Variants in RIMS2 observed in about 807,000 individuals in gnomAD.
RIMS2 encodes the protein regulating synaptic membrane exocytosis 2.
Under a neutral mutation model 174.4 loss-of-function variants are expected in RIMS2, and 59 were observed. The observed-to-expected ratio is 0.34, with a 90% confidence interval of 0.27 to 0.42. The LOEUF is 0.42. Among genes scored for constraint, RIMS2 ranks in the 10% least tolerant of loss-of-function variants. The pLI is 1.00. For synonymous variants in RIMS2, 606 were observed against 572.5 expected (o/e 1.06, Z -0.84); for missense variants, 1,620 against 1,666.3 (o/e 0.97, Z 0.48).
intron 19 of RIMS2, among the ~76,000 whole-genome samples, chr8:104,101,049 T>C (rs1465929809): frequency 7.8e-6 from 1 of 128,434 alleles, no homozygotes; most frequent in Admixed American, 7.9e-5. Flanking sequence ...ATATTATATA[T>C]TACATATGTA....
intron 19 of RIMS2, among the ~76,000 whole-genome samples, chr8:104,200,853 G>A (rs915418004): frequency 6.6e-6 from 1 of 152,192 alleles, no homozygotes; most frequent in African/African-American, 2.4e-5. Context: ...GGTCGAGGCT[G>A]CAGTGAGCCA....
intron 1 of RIMS2, among the ~76,000 whole-genome samples, chr8:103,502,928 AG>A (rs956337544): frequency 6.6e-6 from 1 of 152,024 alleles, no homozygotes; most frequent in African/African-American, 2.4e-5. Context: ...CAAAATGAAC[AG>A]TATGTTAGGA....
chr8:103,920,764 C>T (rs764970698), intron 9 of RIMS2: 31 of 448,456 alleles, frequency 6.9e-5, no homozygotes, highest in Non-Finnish European at 1.0e-4. Context: ...CCGAGGCGGG[C>T]GGATCACGAG....
chr8:103,696,886 G>A (rs1370442457), intron 1 of RIMS2, among the ~76,000 whole-genome samples, 200 bp from the exon 4 acceptor site: 689 of 80,022 alleles, frequency 8.6e-3, no homozygotes, highest in Middle Eastern at 0.019. Flanking sequence ...AAAAAAAAAA[G>A]AAGGTAGAAC....
At chr8:103,839,817 G>A (rs1337509787) in intron 3 of RIMS2, among the ~76,000 whole-genome samples, 2 of 152,156 alleles carry the variant, frequency 1.3e-5, no homozygotes, top group African/African-American at 2.4e-5. Flanking sequence ...GATTATTTCT[G>A]CAGTTCATTA....
exon 19 of RIMS2, chr8:104,014,547 G>C (rs1360841332): frequency 6.2e-7 from 1 of 1,613,146 alleles, no homozygotes; most frequent in Non-Finnish European, 8.5e-7. Context: ...AGCCCATCAA[G>C]TACTCCAGTC....
intron 2 of RIMS2, among the ~76,000 whole-genome samples, chr8:103,698,606 G>A (rs1266129933): frequency 6.6e-6 from 1 of 151,928 alleles, no homozygotes; most frequent in Non-Finnish European, 1.5e-5. Context: ...TGTCATGATG[G>A]ATTATCTCTT....
At chr8:103,739,254 T>C (rs958060377) in intron 2 of RIMS2, among the ~76,000 whole-genome samples, 4 of 152,118 alleles carry the variant, frequency 2.6e-5, no homozygotes, top group African/African-American at 4.8e-5. Context: ...CTGGAAACCA[T>C]CATTCTCAGC....
At chr8:104,152,564 C>A (rs1457324315) in intron 19 of RIMS2, among the ~76,000 whole-genome samples, 1 of 151,474 alleles carries the variant, frequency 6.6e-6, no homozygotes, top group South Asian at 2.1e-4. Flanking sequence ...TCATAAGCTC[C>A]AAAAGTATTT....
At chr8:103,963,842 T>A (rs1468174036) in intron 15 of RIMS2, among the ~76,000 whole-genome samples, 2 of 152,190 alleles carry the variant, frequency 1.3e-5, no homozygotes, top group African/African-American at 4.8e-5. Context: ...TAAAAATTCA[T>A]CTTTCCCTTT....
chr8:103,636,728 G>A (rs1253141215), intron 1 of RIMS2, among the ~76,000 whole-genome samples: 2 of 150,730 alleles, frequency 1.3e-5, no homozygotes, highest in African/African-American at 4.9e-5. Flanking sequence ...ATGCGTACTA[G>A]CTGCTTCTAG....
chr8:103,823,328 T>C (rs2098765447), intron 3 of RIMS2, among the ~76,000 whole-genome samples: 1 of 151,780 alleles, frequency 6.6e-6, no homozygotes, highest in Non-Finnish European at 1.5e-5. Flanking sequence ...AATATTTGGA[T>C]TTTTTTTCAA....
chr8:103,621,574 C>A (rs527785341), intron 1 of RIMS2, among the ~76,000 whole-genome samples: 1 of 152,304 alleles, frequency 6.6e-6, no homozygotes, highest in East Asian at 1.9e-4. Context: ...TCATTGATTT[C>A]TTTATTACGT....
chr8:103,966,040 G>A (rs550239195), intron 15 of RIMS2, among the ~76,000 whole-genome samples: 1 of 152,090 alleles, frequency 6.6e-6, no homozygotes, highest in East Asian at 1.9e-4. Context: ...GATTCAGTGT[G>A]CTAACATTAC....
intron 19 of RIMS2, among the ~76,000 whole-genome samples, chr8:104,050,784 A>G (rs1023410628): frequency 3.3e-5 from 5 of 152,194 alleles, no homozygotes; most frequent in Non-Finnish European, 5.9e-5. Flanking sequence ...TACATTTGTA[A>G]TAAGCCAAGT....
intron 2 of RIMS2, among the ~76,000 whole-genome samples, chr8:103,733,164 G>A (rs1202433173): frequency 1.3e-5 from 2 of 152,040 alleles, no homozygotes; most frequent in Non-Finnish European, 2.9e-5. Context: ...TGCCAGGACT[G>A]GGTTCTCTTC....
chr8:103,645,911 T>C (rs1338919802), intron 1 of RIMS2, among the ~76,000 whole-genome samples: 1 of 152,070 alleles, frequency 6.6e-6, no homozygotes, highest in African/African-American at 2.4e-5. Flanking sequence ...AATAAAGCTG[T>C]TTATTTCACC....
At chr8:103,507,321 T>C (rs1351789135) in intron 1 of RIMS2, among the ~76,000 whole-genome samples, 2 of 152,092 alleles carry the variant, frequency 1.3e-5, no homozygotes, top group Non-Finnish European at 2.9e-5. Context: ...TTTATAATGA[T>C]TTATTTACTT....
intron 3 of RIMS2, among the ~76,000 whole-genome samples, chr8:103,842,865 A>G (rs909548987): frequency 3.9e-5 from 6 of 152,242 alleles, no homozygotes; most frequent in Admixed American, 1.3e-4. Context: ...CTAGAAGTCC[A>G]AGATCAACGT....
Sources: gnomAD v4.1 joint callset for allele counts (sites outside exome capture counted in the v4.1 genomes callset) on GRCh38, gnomAD v4.1.1 for gene constraint, MANE v1.5 for transcripts, NCBI Gene and HGNC (gene_info 2026-07-23, HGNC 2026-07-21) for gene names.